PCDH15: variants seen among roughly 807,000 people sequenced by gnomAD.
PCDH15 encodes the protein protocadherin related 15, also known as protocadherin-15.
Under a neutral mutation model 178.5 loss-of-function variants are expected in PCDH15, and 129 were observed. The ratio of observed to expected loss-of-function variants is 0.72; its 90% CI spans 0.63 to 0.84. The LOEUF (loss-of-function observed/expected upper bound fraction) is 0.84, where lower values mean the gene tolerates loss of function less well. PCDH15 is among the 40% of genes least tolerant of loss of function. The pLI, the probability that PCDH15 is intolerant of heterozygous loss-of-function variation, is 0.00. For missense variants in PCDH15, 2,230 were observed against 2,099.9 expected (o/e 1.06, Z -1.21); for synonymous variants, 800 against 732.0 (o/e 1.09, Z -1.50).
intron 15 of PCDH15, among the ~76,000 whole-genome samples, chr10:54,116,753 A>T (rs954540882): frequency 1.3e-5 from 2 of 152,244 alleles, no homozygotes; most frequent in South Asian, 2.1e-4. Flanking sequence ...TCATGATGAG[A>T]CATTAAATAC....
chr10:55,069,774 G>A (rs867900730), intron 2 of PCDH15, among the ~76,000 whole-genome samples: 8,482 of 146,190 alleles, frequency 0.058, 289 homozygotes, highest in Non-Finnish European at 0.098. Context: ...ATGATTTATA[G>A]TCCTTTGGGT....
intron 1 of PCDH15, among the ~76,000 whole-genome samples, chr10:54,709,911 ATGTG>A (rs2095410917): frequency 6.9e-6 from 1 of 144,984 alleles, no homozygotes; most frequent in Non-Finnish European, 1.5e-5. Context: ...GAATGTGTAT[ATGTG>A]TGTAAGTGTT....
chr10:55,554,458 G>A (rs1024011054), intron 2 of PCDH15, among the ~76,000 whole-genome samples: 21 of 151,860 alleles, frequency 1.4e-4, no homozygotes, highest in Admixed American at 3.9e-4. Flanking sequence ...CCTTAGTGAG[G>A]TACAATTATT....
At chr10:54,128,573 C>CT (rs1471327208) in intron 15 of PCDH15, among the ~76,000 whole-genome samples, 3 of 152,118 alleles carry the variant, frequency 2.0e-5, no homozygotes, top group African/African-American at 4.8e-5. Context: ...CCTTGCCAGA[C>CT]TTTTTTTGTA....
At chr10:55,083,547 C>T (rs1842094485) in intron 2 of PCDH15, among the ~76,000 whole-genome samples, 1 of 151,616 alleles carries the variant, frequency 6.6e-6, no homozygotes, top group Admixed American at 6.6e-5. Flanking sequence ...TTCCATAATA[C>T]TAGAAGTCCT....
At chr10:55,069,384 G>T (rs1044020447) in intron 2 of PCDH15, among the ~76,000 whole-genome samples, 1 of 145,662 alleles carries the variant, frequency 6.9e-6, no homozygotes, top group Non-Finnish European at 1.5e-5. Flanking sequence ...CCATTAACTC[G>T]TCATTTAGCA....
intron 13 of PCDH15, among the ~76,000 whole-genome samples, chr10:54,166,995 A>G (rs2133539451): frequency 6.6e-6 from 1 of 152,304 alleles, no homozygotes; most frequent in South Asian, 2.1e-4. Context: ...CAAATCCTAT[A>G]AAACGGCCTC....
intron 15 of PCDH15, among the ~76,000 whole-genome samples, chr10:54,096,142 CT>C (rs2094695174): frequency 6.6e-6 from 1 of 151,926 alleles, no homozygotes. Context: ...TATTCTATGC[CT>C]TTTGAAACTC....
At chr10:55,439,139 G>C (rs757748905) in intron 2 of PCDH15, among the ~76,000 whole-genome samples, 28 of 151,890 alleles carry the variant, frequency 1.8e-4, no homozygotes, top group Non-Finnish European at 3.7e-4. Context: ...TCCTGACCTC[G>C]TGATCCACCT....
At chr10:54,727,820 A>G (rs1200486424) in intron 1 of PCDH15, among the ~76,000 whole-genome samples, 1 of 151,478 alleles carries the variant, frequency 6.6e-6, no homozygotes, top group Non-Finnish European at 1.5e-5. Flanking sequence ...AGTCACATAA[A>G]CTAGAAAACC....
At chr10:54,691,534 G>C (rs1396885961) in intron 1 of PCDH15, among the ~76,000 whole-genome samples, 1 of 151,686 alleles carries the variant, frequency 6.6e-6, no homozygotes, top group African/African-American at 2.4e-5. Flanking sequence ...TGCAGCAGGA[G>C]CTAGGAAATT....
chr10:55,271,157 A>AG (rs1274677749), intron 1 of PCDH15, among the ~76,000 whole-genome samples: 1 of 152,054 alleles, frequency 6.6e-6, no homozygotes, highest in East Asian at 1.9e-4. Context: ...AGAGGTGGGC[A>AG]GGGGGTGAAA....
intron 1 of PCDH15, among the ~76,000 whole-genome samples, chr10:55,194,046 TA>T (rs1840015824): frequency 6.6e-6 from 1 of 152,072 alleles, no homozygotes; most frequent in African/African-American, 2.4e-5. Context: ...CACACACTCA[TA>T]TTTATATGTC....
intron 5 of PCDH15, among the ~76,000 whole-genome samples, chr10:54,357,828 GGAACAGAACA>G (rs1247988436): frequency 6.6e-6 from 1 of 151,974 alleles, no homozygotes; most frequent in Non-Finnish European, 1.5e-5. Context: ...ATAGATCAAT[GGAACAGAACA>G]GAGCCCTCAG....
At chr10:53,827,318 T>C in intron 32 of PCDH15, 75 bp downstream of exon 32, 1 of 1,497,590 alleles carries the variant, frequency 6.7e-7, no homozygotes. Flanking sequence ...CCACATCAGA[T>C]TGAAATTAAA....
At chr10:55,277,593 TATA>T (rs949102465) in intron 1 of PCDH15, among the ~76,000 whole-genome samples, 2 of 152,126 alleles carry the variant, frequency 1.3e-5, no homozygotes, top group African/African-American at 4.8e-5. Flanking sequence ...ACAAAACTAG[TATA>T]ATGACAGACT....
chr10:54,993,460 T>C lies in PCDH15; in HGVS notation c.-79-95960A>G, dbSNP rs969817886. On this transcript the variant is annotated intron_variant, in intron 2 of 5. Transcript: ENST00000458638. Reference sequence around the variant, plus strand: ...TGGAATTATGAAACATTCTGTCGACTCTCTTAAGAAAACATCAGGAAATCT... The same window carrying C: ...TGGAATTATGAAACATTCTGTCGACCCTCTTAAGAAAACATCAGGAAATCT... Among the ~76,000 whole-genome samples, 3 of 152,272 alleles carry C rather than the reference T, an allele frequency of 2.0e-5. No individual in the cohort carries two copies. The East Asian group carries it at 5.8e-4, about 29-fold the overall frequency.
At chr10:55,530,156 T>C (rs1841417477) in intron 2 of PCDH15, among the ~76,000 whole-genome samples, 1 of 151,928 alleles carries the variant, frequency 6.6e-6, no homozygotes, top group Non-Finnish European at 1.5e-5. Flanking sequence ...ATAAGGAGTC[T>C]AATTCAATTT....
intron 2 of PCDH15, among the ~76,000 whole-genome samples, chr10:54,536,407 A>G (rs1043051533): frequency 1.3e-5 from 2 of 152,112 alleles, no homozygotes; most frequent in African/African-American, 4.8e-5. Context: ...ATTTCAGTAG[A>G]AGTTTCTTCC....
Sources: allele counts gnomAD v4.1 joint callset (sites outside exome capture counted in the v4.1 genomes callset), GRCh38; gene constraint gnomAD v4.1.1; transcripts MANE v1.5; gene names NCBI Gene and HGNC (gene_info 2026-07-23, HGNC 2026-07-21).